TBC1D32: variants seen among roughly 807,000 people sequenced by gnomAD.
TBC1D32 encodes the protein protein broad-minded.
A neutral mutation model predicts 170.3 loss-of-function variants in TBC1D32; 151 were observed. That is an observed-to-expected ratio of 0.89 (90% CI 0.78 to 1.01). The LOEUF (loss-of-function observed/expected upper bound fraction) is 1.01, where lower values mean the gene tolerates loss of function less well. Among genes scored for constraint, TBC1D32 ranks in the 50% least tolerant of loss-of-function variants. The pLI is 0.00. For missense variants in TBC1D32, 1,464 were observed against 1,457.1 expected (o/e 1.00, Z -0.08); for synonymous variants, 498 against 488.0 (o/e 1.02, Z -0.27).
intron 17 of TBC1D32, among the ~76,000 whole-genome samples, chr6:121,254,563 T>G (rs560027418): frequency 1.8e-4 from 28 of 152,256 alleles, no homozygotes; most frequent in Non-Finnish European, 4.0e-4. Context: ...AGAAAATGTT[T>G]AGGGAATTAA....
intron 20 of TBC1D32, 41 bp from the exon 21 acceptor site, chr6:121,223,393 G>A (rs1187760365): frequency 7.5e-7 from 1 of 1,340,116 alleles, no homozygotes; most frequent in Non-Finnish European, 1.1e-6. Context: ...ATTCACTTTT[G>A]TCAACCACAT....
intron 12 of TBC1D32, among the ~76,000 whole-genome samples, chr6:121,287,260 C>G (rs923969410): frequency 6.6e-6 from 1 of 152,038 alleles, no homozygotes; most frequent in African/African-American, 2.4e-5. Context: ...AGAAACCCAC[C>G]TAACGTACAG....
At chr6:121,300,527 G>A (rs952898031) in intron 9 of TBC1D32, among the ~76,000 whole-genome samples, 1 of 151,858 alleles carries the variant, frequency 6.6e-6, no homozygotes, top group Admixed American at 6.6e-5. Flanking sequence ...ATGGTGTTGG[G>A]AAAACTTAAC....
intron 22 of TBC1D32, among the ~76,000 whole-genome samples, chr6:121,178,839 C>G (rs78381309): frequency 0.024 from 3,673 of 152,206 alleles, 164 homozygotes; most frequent in East Asian, 0.12. Context: ...GAAAATAAAG[C>G]CTTCAGTCCT....
At chr6:121,173,910 T>G (rs952443069) in intron 22 of TBC1D32, among the ~76,000 whole-genome samples, 8 of 24,116 alleles carry the variant, frequency 3.3e-4, no homozygotes, top group Non-Finnish European at 1.6e-3. Flanking sequence ...AAAGGTGCTA[T>G]AAGAAAAAAT....
intron 21 of TBC1D32, 96 bp from the exon 22 acceptor site, chr6:121,205,259 T>G (rs1792097684): frequency 1.7e-6 from 1 of 591,462 alleles, no homozygotes; most frequent in Non-Finnish European, 2.8e-6. Context: ...GCTCTCAAAT[T>G]TGCCTTTACA....
At chr6:121,263,825 T>C (rs1256244447) in intron 15 of TBC1D32, among the ~76,000 whole-genome samples, 3 of 152,152 alleles carry the variant, frequency 2.0e-5, no homozygotes, top group African/African-American at 7.2e-5. Flanking sequence ...AACAACCTGC[T>C]CCTGAATGAC....
intron 22 of TBC1D32, among the ~76,000 whole-genome samples, chr6:121,170,842 C>A (rs1786879042): frequency 6.6e-6 from 1 of 151,922 alleles, no homozygotes; most frequent in African/African-American, 2.4e-5. Context: ...TTTAGCAAAT[C>A]CAGAAAAACT....
chr6:121,273,267 A>G (rs919215545), intron 15 of TBC1D32, among the ~76,000 whole-genome samples: 15 of 149,146 alleles, frequency 1.0e-4, no homozygotes, highest in Non-Finnish European at 1.8e-4. Flanking sequence ...ATTAAAAAGA[A>G]AAGAAAATGT....
At chr6:121,259,625 TG>T (rs1479002331) in intron 15 of TBC1D32, among the ~76,000 whole-genome samples, 1 of 152,114 alleles carries the variant, frequency 6.6e-6, no homozygotes, top group African/African-American at 2.4e-5. Context: ...GGAAAGGATG[TG>T]GTAGTAAAAT....
Position 121,181,087 on chromosome 6 carries a change from TAAC to T in TBC1D32, c.2571-20034_2571-20032del, listed in dbSNP as rs757969533. Among the ~76,000 whole-genome samples, 3 of 151,922 alleles carry T rather than the reference TAAC, an allele frequency of 2.0e-5. No homozygotes were observed. In the East Asian group the frequency reaches 5.8e-4, roughly 29 times the overall value. ...TGGCTATTATCAAAAAGACAAAAAATAACAAGTGCTGGTGAGGATGCAGAGAAA... is the reference window on the plus strand; with the variant it reads ...TGGCTATTATCAAAAAGACAAAAAATAAGTGCTGGTGAGGATGCAGAGAAA... On this transcript the variant is annotated intron_variant, in intron 22 of 31. Transcript: ENST00000398212.
At chr6:121,092,539 C>T (rs778502644) in intron 30 of TBC1D32, among the ~76,000 whole-genome samples, 25 of 151,852 alleles carry the variant, frequency 1.6e-4, no homozygotes, top group African/African-American at 5.8e-4. Flanking sequence ...CAAACTAACA[C>T]GTATTAGTTT....
intron 19 of TBC1D32, 83 bp from the exon 20 acceptor site, chr6:121,239,271 G>T: frequency 1.3e-6 from 1 of 766,834 alleles, no homozygotes. Context: ...TCCCTCTGAT[G>T]AATCTGGTCT....
rs754841752 is a variant in TBC1D32 at position 121,223,259 on chromosome 6, G to A, written c.2458C>T (p.Arg820Cys). ...ACAATAACACATGTTGGGACTTCAC[G>A]AAGAGAATATTCTGTTTTATTAGGA... ...DLPNKTEYSLREVPTCVIDII... is the reference protein window; with the variant it reads ...DLPNKTEYSLCEVPTCVIDII... The change falls in exon 21 of 32, where the codon CGT becomes TGT. Residue 820 changes from arginine (R) to cysteine (C), a missense_variant. This residue lies in a region of TBC1D32 where 1,363 missense variants were observed against 1,338.1 expected (regional missense o/e 1.02). Coordinates refer to ENST00000398212, the MANE Select transcript of TBC1D32 (RefSeq NM_152730.6). 1.6e-5 allele frequency: 25 copies of A among 1,571,656 alleles called. No homozygotes were observed. Among genetic ancestry groups the A allele is most frequent in the Admixed American group, 5.9e-5 (3 of 51,104 alleles).
chr6:121,323,488 C>T (rs537576564), intron 1 of TBC1D32, among the ~76,000 whole-genome samples: 21 of 152,298 alleles, frequency 1.4e-4, no homozygotes, highest in African/African-American at 5.1e-4. Context: ...GAATTTATAA[C>T]AATTGGCTGC....
chr6:121,154,199 C>T (rs186238437), intron 24 of TBC1D32, among the ~76,000 whole-genome samples: 5 of 152,228 alleles, frequency 3.3e-5, no homozygotes, highest in East Asian at 3.9e-4. Flanking sequence ...TGGATAGCAC[C>T]GTCCCTCATG....
At chr6:121,265,741 GAA>G (rs1258506145) in intron 15 of TBC1D32, among the ~76,000 whole-genome samples, 1 of 152,014 alleles carries the variant, frequency 6.6e-6, no homozygotes, top group Non-Finnish European at 1.5e-5. Flanking sequence ...TAGACCAATG[GAA>G]AAGAATAGAG....
At chr6:121,177,052 T>C (rs1787858786) in intron 22 of TBC1D32, among the ~76,000 whole-genome samples, 1 of 152,164 alleles carries the variant, frequency 6.6e-6, no homozygotes, top group Non-Finnish European at 1.5e-5. Flanking sequence ...ACTGTATAAA[T>C]GGTATGTTAC....
intron 24 of TBC1D32, among the ~76,000 whole-genome samples, chr6:121,148,194 T>A (rs1783726106): frequency 6.6e-6 from 1 of 152,072 alleles, no homozygotes; most frequent in Non-Finnish European, 1.5e-5. Context: ...GCCCATATGT[T>A]CTCATTGTTC....
Sources: allele counts gnomAD v4.1 joint callset (sites outside exome capture counted in the v4.1 genomes callset), GRCh38; gene constraint gnomAD v4.1.1; regional missense constraint gnomAD v4.1.1; transcripts MANE v1.5; gene names NCBI Gene and HGNC (gene_info 2026-07-23, HGNC 2026-07-21).